The following VPS35L variants were observed in gnomAD, a reference collection of about 807,000 sequenced individuals.
VPS35L encodes VPS35 endosomal protein sorting factor like, also known as VPS35 endosomal protein-sorting factor-like.
A neutral mutation model predicts 133.0 loss-of-function variants in VPS35L; 83 were observed. That is an observed-to-expected ratio of 0.62 (90% confidence interval 0.52 to 0.75). The LOEUF is 0.75. VPS35L is among the 30% of genes least tolerant of loss of function. The pLI is 0.00. For missense variants in VPS35L, 1,083 were observed against 1,206.8 expected, an observed-to-expected ratio of 0.90 and a Z score of 1.52; for synonymous variants, 423 against 449.9, an observed-to-expected ratio of 0.94 and a Z score of 0.76.
chr16:19,687,309 T>C (rs1975496299), intron 28 of VPS35L, among the ~76,000 whole-genome samples: 1 of 152,216 alleles, frequency 6.6e-6, no homozygotes, highest in Non-Finnish European at 1.5e-5. Context: ...GCAGGAACTA[T>C]TCTGGTCCTC....
At chr16:19,610,931 C>T (rs968113119) in intron 12 of VPS35L, among the ~76,000 whole-genome samples, 2 of 152,140 alleles carry the variant, frequency 1.3e-5, no homozygotes, top group Non-Finnish European at 2.9e-5. Context: ...TGCTTTAAAG[C>T]ACCGTGAGGC....
At chr16:19,672,104 C>T (rs578149971) in intron 27 of VPS35L, among the ~76,000 whole-genome samples, 14 of 152,272 alleles carry the variant, frequency 9.2e-5, no homozygotes, top group African/African-American at 3.4e-4. Flanking sequence ...TGCCAGCCAC[C>T]ACGCCTGGCT....
chr16:19,563,932 G>A (rs538381312), intron 1 of VPS35L, among the ~76,000 whole-genome samples: 25 of 152,286 alleles, frequency 1.6e-4, no homozygotes, highest in East Asian at 1.5e-3. Flanking sequence ...TGTGCTTGGC[G>A]TCAGCCTCTT....
rs183563408 is a variant in VPS35L at position 19,620,194 on chromosome 16, A to G, written c.1224+3386A>G. Among the ~76,000 whole-genome samples, 435 of 152,326 alleles carry G rather than the reference A, an allele frequency of 2.9e-3. 4 individuals carry two copies. Among genetic ancestry groups the G allele is most frequent in the African/African-American group, 0.01 (425 of 41,570 alleles). ...CCTGACTTCTTTTCTCTCCTCCTGT[A>G]CTTTTGAAGTGGGTAAATAATTATA... On this transcript the variant is annotated intron_variant, in intron 14 of 30. Coordinates refer to ENST00000417362, the MANE Select transcript of VPS35L (RefSeq NM_020314.7).
intron 14 of VPS35L, among the ~76,000 whole-genome samples, chr16:19,621,997 C>T (rs1973097658): frequency 6.6e-6 from 1 of 151,920 alleles, no homozygotes; most frequent in South Asian, 2.1e-4. Flanking sequence ...TGTGCACGTG[C>T]ATGCATATGA....
At position 19,587,861 on chromosome 16, in the gene VPS35L, G is replaced by A. The variant is rs573289581; in HGVS notation, c.640-3929G>A. On this transcript the variant is annotated intron_variant, in intron 7 of 30. Coordinates refer to ENST00000417362, the MANE Select transcript of VPS35L (RefSeq NM_020314.7). ...GTCACCAAGGCTGGAGTGCAGTGGC[G>A]TGATCTCTGCTCACTGCAACCTCTG... Among the ~76,000 whole-genome samples the A allele has an allele frequency of 3.0e-4, 42 of 137,936 alleles. 1 individual carries two copies. Among genetic ancestry groups the A allele is most frequent in the South Asian group, 4.6e-4 (2 of 4,350 alleles). 90.5% of individuals were successfully genotyped at this position (137,936 alleles called of 152,430 possible). A position where few individuals can be genotyped will look rare whatever the true frequency, so the allele number is the denominator to read the frequency against.
chr16:19,576,839 TG>T (rs201320571), intron 5 of VPS35L, among the ~76,000 whole-genome samples: 1,932 of 152,198 alleles, frequency 0.013, 45 homozygotes, highest in African/African-American at 0.043. Context: ...TCTGAGTTAC[TG>T]GGACTATAGG....
chr16:19,612,617 A>C (rs1972759957), intron 12 of VPS35L, among the ~76,000 whole-genome samples: 1 of 152,216 alleles, frequency 6.6e-6, no homozygotes. Context: ...CTTTGAACAC[A>C]CCTTGACATC....
chr16:19,674,154 A>G (rs2151609713), intron 27 of VPS35L, among the ~76,000 whole-genome samples: 1 of 125,206 alleles, frequency 8.0e-6, no homozygotes. Flanking sequence ...CCCACATCTC[A>G]CTTCTACCTG....
In VPS35L at chr16:19,573,182, T is replaced by C; in HGVS notation, c.349T>C (p.Trp117Arg). 1.2e-6 allele frequency: 2 copies of C among 1,614,024 alleles called. No homozygotes were observed. Among genetic ancestry groups the C allele is most frequent in the Non-Finnish European group, 1.7e-6 (2 of 1,179,912 alleles). The change falls in exon 4 of 31, where the codon TGG (tryptophan) becomes CGG (arginine). Residue 117 changes from tryptophan (W) to arginine (R), a missense_variant. Coordinates refer to ENST00000417362, the MANE Select transcript of VPS35L (RefSeq NM_020314.7). ...NSVVGSDFEP[W>R]TNKRGEILAR... ...CGTTGTAGGATCGGATTTTGAGCCT[T>C]GGACCAACAAACGGGGAGAAATCCT...
At chr16:19,623,826 C>T (rs1037140316) in intron 14 of VPS35L, among the ~76,000 whole-genome samples, 2 of 141,032 alleles carry the variant, frequency 1.4e-5, no homozygotes, top group Admixed American at 7.2e-5. Flanking sequence ...TGTTTTAAGA[C>T]AGGGTCTTGC....
In VPS35L at chr16:19,699,971, T is replaced by G. The variant is rs1485181046; in HGVS notation, c.2793+323T>G. 6.6e-6 allele frequency among the ~76,000 whole-genome samples: 1 copy of G among 151,990 alleles called. No individual in the cohort carries two copies. Among genetic ancestry groups the G allele is most frequent in the Non-Finnish European group, 1.5e-5 (1 of 67,996 alleles). On this transcript the variant is annotated intron_variant, in intron 30 of 30. Coordinates refer to ENST00000417362, the MANE Select transcript of VPS35L (RefSeq NM_020314.7). The surrounding 1 kb of genome is among the most constrained non-coding windows in gnomAD (Gnocchi z 4.2). Reference sequence around the variant, plus strand: ...AATTAGCCGGCCATGGTGGTGCACATGTGTAGTCCCAGCTACTCGGGAGGC... The same window carrying G: ...AATTAGCCGGCCATGGTGGTGCACAGGTGTAGTCCCAGCTACTCGGGAGGC...
chr16:19,674,004 C>T (rs532467224), intron 27 of VPS35L, among the ~76,000 whole-genome samples: 4 of 152,096 alleles, frequency 2.6e-5, no homozygotes, highest in East Asian at 1.9e-4. Context: ...TTGTGGGACG[C>T]GGCATTAGTA....
At chr16:19,637,564 AAAT>A (rs770669308) in intron 19 of VPS35L, 27 bp from the exon 20 acceptor site, 2 of 1,460,182 alleles carry the variant, frequency 1.4e-6, no homozygotes, top group Non-Finnish European at 1.9e-6. Context: ...AAGTTTTTAA[AAAT>A]AATATTTTTG....
chr16:19,605,896 C>A (rs1972524031), intron 9 of VPS35L, among the ~76,000 whole-genome samples: 1 of 151,844 alleles, frequency 6.6e-6, no homozygotes, highest in Non-Finnish European at 1.5e-5. Flanking sequence ...ATAGGATCTA[C>A]CTTGTGCACT....
At chr16:19,578,412 T>C in intron 5 of VPS35L, 1 of 411,370 alleles carries the variant, frequency 2.4e-6, no homozygotes, top group Non-Finnish European at 4.7e-6. Context: ...CCCCTAAAGA[T>C]GGGGGAAGGA....
chr16:19,679,315 G>T (rs1812738810), intron 27 of VPS35L, among the ~76,000 whole-genome samples: 1 of 150,894 alleles, frequency 6.6e-6, no homozygotes, highest in Admixed American at 6.6e-5. Flanking sequence ...TTTTCTTTTT[G>T]TAAGATGGTC....
At chr16:19,678,481 AT>A (rs776896300) in intron 27 of VPS35L, among the ~76,000 whole-genome samples, 2,044 of 141,478 alleles carry the variant, frequency 0.014, 22 homozygotes, top group African/African-American at 0.037. Flanking sequence ...CCATCTGTAC[AT>A]TTTTTTTTTT....
At chr16:19,597,403 G>A (rs1972251446) in intron 8 of VPS35L, among the ~76,000 whole-genome samples, 1 of 151,558 alleles carries the variant, frequency 6.6e-6, no homozygotes, top group Non-Finnish European at 1.5e-5. Flanking sequence ...GGAAAATGTA[G>A]ACTACATGTT....
Sources: gnomAD v4.1 joint callset for allele counts (sites outside exome capture counted in the v4.1 genomes callset) on GRCh38, gnomAD v4.1.1 for gene constraint, Gnocchi (gnomAD v3.1) non-coding constraint, MANE v1.5 for transcripts, NCBI Gene and HGNC (gene_info 2026-07-23, HGNC 2026-07-21) for gene names.